The following SETBP1 variants were observed in gnomAD, a reference collection of about 807,000 sequenced individuals.
The protein encoded by SETBP1 is SET-binding protein.
SETBP1 carries 9 observed loss-of-function variants against 101.0 expected under a neutral mutation model. That is an observed-to-expected ratio of 0.09 (90% CI 0.05 to 0.16). The LOEUF is 0.16. Among genes scored for constraint, SETBP1 ranks in the 10% least tolerant of loss-of-function variants. SETBP1 has a pLI of 1.00. For missense variants in SETBP1, 1,858 were observed against 2,033.8 expected (o/e 0.91, Z 1.66); for synonymous variants, 818 against 788.5 (o/e 1.04, Z -0.63).
At chr18:44,910,436 A>T (rs1232710925) in intron 3 of SETBP1, among the ~76,000 whole-genome samples, 1 of 152,184 alleles carries the variant, frequency 6.6e-6, no homozygotes, top group Non-Finnish European at 1.5e-5. Flanking sequence ...TCTTTGATGG[A>T]GTCAGGAAGA....
chr18:44,989,855 C>G (rs1338963456), intron 4 of SETBP1, among the ~76,000 whole-genome samples: 1 of 91,810 alleles, frequency 1.1e-5, no homozygotes, highest in East Asian at 3.8e-4. Flanking sequence ...GGCGACAGAG[C>G]GAGACTCCGT....
At chr18:44,829,932 A>G (rs2072322335) in intron 2 of SETBP1, among the ~76,000 whole-genome samples, 1 of 152,202 alleles carries the variant, frequency 6.6e-6, no homozygotes, top group Non-Finnish European at 1.5e-5. Flanking sequence ...AAATAACTTA[A>G]TGTGAATCAG....
chr18:44,707,319 G>A (rs187583597), intron 2 of SETBP1, among the ~76,000 whole-genome samples: 10 of 152,260 alleles, frequency 6.6e-5, no homozygotes, highest in Admixed American at 6.5e-4. Context: ...AGTTTTCCAT[G>A]GTTTTGAGAG....
chr18:44,945,639 A>G (rs1235830474), intron 3 of SETBP1, among the ~76,000 whole-genome samples: 1 of 152,160 alleles, frequency 6.6e-6, no homozygotes, highest in Non-Finnish European at 1.5e-5. Context: ...AAAGTTTTCC[A>G]CCAGAACTGT....
At chr18:45,011,716 C>T (rs2072841983) in intron 4 of SETBP1, among the ~76,000 whole-genome samples, 1 of 152,214 alleles carries the variant, frequency 6.6e-6, no homozygotes, top group African/African-American at 2.4e-5. Context: ...GGCGTGGCTG[C>T]CCCTGCATGT....
At chr18:44,712,874 C>T (rs768814929) in intron 2 of SETBP1, among the ~76,000 whole-genome samples, 27 of 151,292 alleles carry the variant, frequency 1.8e-4, no homozygotes, top group Non-Finnish European at 3.7e-4. Context: ...CATAGGTCCA[C>T]AACTGAGTCA....
intron 4 of SETBP1, among the ~76,000 whole-genome samples, chr18:44,989,935 A>G (rs2072328836): frequency 6.6e-6 from 1 of 150,888 alleles, no homozygotes; most frequent in African/African-American, 2.4e-5. Context: ...ACTGTAATCA[A>G]ACAAAAGCCA....
chr18:44,732,781 C>G (rs1405260230), intron 2 of SETBP1: 1 of 152,136 alleles, frequency 6.6e-6, no homozygotes, highest in Non-Finnish European at 1.5e-5. Context: ...AGGTATTGAC[C>G]TCGCTACTTT....
At chr18:45,041,465 C>T (rs909175461) in intron 5 of SETBP1, among the ~76,000 whole-genome samples, 11 of 152,166 alleles carry the variant, frequency 7.2e-5, no homozygotes, top group East Asian at 1.9e-4. Context: ...GGTAGAATTA[C>T]GTCTGGCTTT....
At chr18:44,981,780 T>C (rs2072118868) in intron 4 of SETBP1, among the ~76,000 whole-genome samples, 1 of 152,220 alleles carries the variant, frequency 6.6e-6, no homozygotes, top group South Asian at 2.1e-4. Flanking sequence ...CTTTTTCGTA[T>C]GTCTAAAGAA....
chr18:44,973,872 G>A (rs534849071), intron 4 of SETBP1, among the ~76,000 whole-genome samples: 1 of 152,222 alleles, frequency 6.6e-6, no homozygotes, highest in South Asian at 2.1e-4. Flanking sequence ...ACCACACAAA[G>A]GTTTTAAGCT....
At chr18:44,767,809 C>T (rs977781514) in intron 2 of SETBP1, among the ~76,000 whole-genome samples, 1 of 152,140 alleles carries the variant, frequency 6.6e-6, no homozygotes, top group Admixed American at 6.5e-5. Flanking sequence ...ACGAAATAGA[C>T]GTTTCATAGA....
At chr18:45,032,891 T>C (rs78082014) in intron 4 of SETBP1, among the ~76,000 whole-genome samples, 2,299 of 152,238 alleles carry the variant, frequency 0.015, 68 homozygotes, top group African/African-American at 0.052. Context: ...TCATTGCCCT[T>C]ATAAAAAGCC....
intron 2 of SETBP1, among the ~76,000 whole-genome samples, chr18:44,814,005 T>C (rs1331885849): frequency 1.3e-5 from 2 of 152,070 alleles, no homozygotes; most frequent in East Asian, 1.9e-4. Flanking sequence ...GAAATAATGA[T>C]AAATAAAGAC....
chr18:44,837,301 G>A, intron 2 of SETBP1, among the ~76,000 whole-genome samples: 1 of 152,196 alleles, frequency 6.6e-6, no homozygotes, highest in Non-Finnish European at 1.5e-5. Context: ...CCTGGAGGAG[G>A]CTAGTCTTAG....
At chr18:45,008,099 G>A (rs1029355510) in intron 4 of SETBP1, among the ~76,000 whole-genome samples, 9 of 152,142 alleles carry the variant, frequency 5.9e-5, no homozygotes, top group African/African-American at 1.7e-4. Context: ...AATGCAATGA[G>A]GGTTCAGAAA....
chr18:44,951,554 A>G lies in SETBP1; in HGVS notation c.2214A>G (p.Pro738=), dbSNP rs2071350554. 6.2e-7 allele frequency: 1 copy of G among 1,614,072 alleles called. No individual in the cohort carries two copies. Residue 738 remains proline, a synonymous_variant, in exon 4 of 6, where the codon CCA becomes CCG. Transcript: ENST00000649279. This position sits in a 1 kb window ranked among gnomAD's most constrained non-coding sequence, Gnocchi z 7.8. ...AGCCAAGAGCAGAGCTGCCACCCCCATCCGAAGAACCCAAAACAGCCATCA... is the reference window on the plus strand; with the variant it reads ...AGCCAAGAGCAGAGCTGCCACCCCCGTCCGAAGAACCCAAAACAGCCATCA... ...GRKPRAELPP[P]SEEPKTAIKH...
At chr18:44,942,243 C>G (rs2071103844) in intron 3 of SETBP1, among the ~76,000 whole-genome samples, 1 of 152,118 alleles carries the variant, frequency 6.6e-6, no homozygotes, top group Non-Finnish European at 1.5e-5. Context: ...TTGAAGCCTC[C>G]CCACTCTGTC....
intron 4 of SETBP1, among the ~76,000 whole-genome samples, chr18:44,995,529 TTGTGTGTGTGTGTGTG>T (rs60256060): frequency 8.4e-4 from 120 of 142,966 alleles, no homozygotes; most frequent in Middle Eastern, 3.6e-3. Flanking sequence ...GTCCAGGCTT[TTGTGTGTGTGTGTGTG>T]TGTGTGTGTG....
Sources: allele counts gnomAD v4.1 joint callset (sites outside exome capture counted in the v4.1 genomes callset), GRCh38; gene constraint gnomAD v4.1.1; non-coding constraint Gnocchi (gnomAD v3.1); transcripts MANE v1.5; gene names NCBI Gene and HGNC (gene_info 2026-07-23, HGNC 2026-07-21).